Variants in MED14 observed in about 807,000 individuals in gnomAD.
MED14 encodes the protein mediator complex subunit 14, also known as mediator of RNA polymerase II transcription subunit 14.
Under a neutral mutation model 109.0 loss-of-function variants are expected in MED14, and 8 were observed. The observed-to-expected ratio is 0.07, with a 90% CI of 0.04 to 0.13. The LOEUF is 0.13. Among genes scored for constraint, MED14 ranks in the 10% least tolerant of loss-of-function variants. The probability of loss-of-function intolerance (pLI) is 1.00; values close to 1 mark genes in which losing one functional copy is unlikely to be tolerated. For synonymous variants in MED14, 399 were observed against 408.7 expected, an observed-to-expected ratio of 0.98 and a Z score of 0.29; for missense variants, 711 against 1,142.4, an observed-to-expected ratio of 0.62 and a Z score of 5.44.
chrX:40,657,370 A>G (rs1929089721), intron 28 of MED14, among the ~76,000 whole-genome samples: 1 of 111,398 alleles, frequency 9.0e-6, no homozygotes, highest in African/African-American at 3.3e-5. Flanking sequence ...GTCCTTTATA[A>G]GAAGAGAAGA....
At chrX:40,708,668 T>C (rs976732026) in intron 10 of MED14, among the ~76,000 whole-genome samples, 2 of 112,226 alleles carry the variant, frequency 1.8e-5, no homozygotes, top group Non-Finnish European at 3.8e-5. Context: ...TGCGAACCTA[T>C]ATTCCCAGAA....
chrX:40,714,434 G>C, intron 4 of MED14, 103 bp downstream of exon 4: 2 of 917,338 alleles, frequency 2.2e-6, no homozygotes, highest in Non-Finnish European at 1.5e-6. Context: ...TATATGTACT[G>C]TTTGTTTTAA....
At position 40,680,144 on chromosome X, in the gene MED14, C is replaced by G; in HGVS notation, c.2611-11G>C. The G allele has an allele frequency of 5.0e-6, 6 of 1,204,445 alleles. No individual in the cohort carries two copies. The highest frequency in any genetic ancestry group is 6.7e-6 in the Non-Finnish European group (6 of 890,767). ...AGTATCAAACAGTACCTATAAGGAA[C>G]AAACACAGTGAGAGCAGCCAGTTTC... On this transcript the variant is annotated splice_polypyrimidine_tract_variant and intron_variant, in intron 20 of 30. Transcript: ENST00000324817.
At chrX:40,706,129 C>A (rs73471375) in intron 10 of MED14, among the ~76,000 whole-genome samples, 1 of 111,346 alleles carries the variant, frequency 9.0e-6, no homozygotes, top group African/African-American at 3.3e-5. Context: ...AGGGTGACTG[C>A]GCTAAGGGAT....
In MED14 at chrX:40,713,774, A is replaced by T; in HGVS notation, c.652+4T>A. ...TCTTAAAAAAATAAATTTCAGATAC[A>T]TACCAACTGTAAGATTTGCTAACTG... On this transcript the variant is annotated splice_donor_region_variant and intron_variant, in intron 5 of 30. Coordinates refer to ENST00000324817, the MANE Select transcript of MED14 (RefSeq NM_004229.4). 2.5e-6 allele frequency: 3 copies of T among 1,210,484 alleles called. No individual in the cohort carries two copies. The highest frequency in any genetic ancestry group is 3.4e-6 in the Non-Finnish European group (3 of 894,823).
At chrX:40,707,152 G>GAT (rs1307915004) in intron 10 of MED14, among the ~76,000 whole-genome samples, 4 of 109,453 alleles carry the variant, frequency 3.7e-5, no homozygotes, top group East Asian at 2.8e-4. Flanking sequence ...TAGATAGATA[G>GAT]AGACCAGCCT....
intron 21 of MED14, 129 bp from the exon 22 acceptor site, chrX:40,675,490 T>A (rs1929882552): frequency 2.4e-6 from 1 of 422,718 alleles, no homozygotes. Context: ...TAGGACAACC[T>A]AGAAGAAATA....
chrX:40,720,659 C>T (rs934759826), intron 3 of MED14, among the ~76,000 whole-genome samples: 2 of 110,723 alleles, frequency 1.8e-5, no homozygotes, highest in South Asian at 3.8e-4. Flanking sequence ...GGGATACACC[C>T]GCTGGGGGGC....
At position 40,699,501 on chromosome X, in the gene MED14, T is replaced by C. The variant is rs1301686835; in HGVS notation, c.1490+1664A>G. Reference sequence around the variant, plus strand: ...ACAAATCATCTGAGAAACACTATTATAAGTGACAATCAGGGGACTTTTCTT... The same window carrying C: ...ACAAATCATCTGAGAAACACTATTACAAGTGACAATCAGGGGACTTTTCTT... On this transcript the variant is annotated intron_variant, in intron 12 of 30. Coordinates refer to ENST00000324817, the MANE Select transcript of MED14 (RefSeq NM_004229.4). Among the ~76,000 whole-genome samples the C allele has an allele frequency of 8.0e-5, 9 of 112,177 alleles. No homozygotes were observed. The Admixed American group carries it at 8.5e-4, about 11-fold the overall frequency.
intron 16 of MED14, among the ~76,000 whole-genome samples, chrX:40,684,833 G>A (rs1569286536): frequency 8.9e-6 from 1 of 112,112 alleles, no homozygotes; most frequent in Non-Finnish European, 1.9e-5. Flanking sequence ...TGCTCTTAGG[G>A]ACAGCGGAAC....
chrX:40,721,539 C>T (rs1194442995), intron 3 of MED14, among the ~76,000 whole-genome samples: 1 of 113,122 alleles, frequency 8.8e-6, no homozygotes. Context: ...CAGACAGCAT[C>T]TCTGGGCTCA....
At chrX:40,698,925 G>A (rs1006007148) in intron 12 of MED14, among the ~76,000 whole-genome samples, 3 of 112,194 alleles carry the variant, frequency 2.7e-5, no homozygotes, top group Non-Finnish European at 5.6e-5. Context: ...TACTCCAAGA[G>A]AAAAGAAAAC....
chrX:40,692,347 T>TA (rs11292945), intron 14 of MED14, 30 bp from the exon 15 acceptor site: 18,905 of 849,855 alleles, frequency 0.022, 1 homozygote, highest in Non-Finnish European at 0.026. Context: ...CACAAACAGG[T>TA]AAAAAAAAAA....
At chrX:40,689,950 T>C (rs772711429) in intron 15 of MED14, among the ~76,000 whole-genome samples, 1 of 111,933 alleles carries the variant, frequency 8.9e-6, no homozygotes, top group South Asian at 3.7e-4. Context: ...AGGACGTATG[T>C]CTACAGTCAT....
intron 3 of MED14, among the ~76,000 whole-genome samples, chrX:40,717,522 TTC>T (rs1342647763): frequency 1.0e-5 from 1 of 99,711 alleles, no homozygotes; most frequent in Non-Finnish European, 2.0e-5. Context: ...TTGTTGTTGT[TTC>T]ATTTTGTTTT....
At position 40,654,305 on chromosome X, in the gene MED14, T is replaced by C. The variant is rs1367133913; in HGVS notation, c.4291+59A>G. The C allele has an allele frequency of 2.8e-6, 3 of 1,058,156 alleles. No homozygotes were observed. In the African/African-American group the frequency reaches 5.5e-5, roughly 20 times the overall value. 87.2% of individuals were successfully genotyped at this position (1,058,156 alleles called of 1,213,427 possible). On this transcript the variant is annotated intron_variant, in intron 30 of 30. Transcript: ENST00000324817. ...GAGAAGAGAAGAGGAGAAAGGGGTG[T>C]CTCTCAAAAGAACTTTTATAACATA...
At chrX:40,731,452 G>T (rs1932079123) in intron 1 of MED14, among the ~76,000 whole-genome samples, 1 of 111,033 alleles carries the variant, frequency 9.0e-6, no homozygotes. Flanking sequence ...CACTATTTAG[G>T]AACTTCCATG....
At chrX:40,693,545 C>T (rs1930611782) in intron 13 of MED14, among the ~76,000 whole-genome samples, 1 of 111,675 alleles carries the variant, frequency 9.0e-6, no homozygotes, top group South Asian at 3.7e-4. Flanking sequence ...AATTAAACCT[C>T]TTTCTTTTGT....
intron 1 of MED14, among the ~76,000 whole-genome samples, chrX:40,734,420 TATC>T (rs1932181222): frequency 8.9e-6 from 1 of 112,578 alleles, no homozygotes; most frequent in Non-Finnish European, 1.9e-5. Context: ...CATACTAATG[TATC>T]TCAATTGATA....
Sources: gnomAD v4.1 joint callset for allele counts (sites outside exome capture counted in the v4.1 genomes callset) on GRCh38, gnomAD v4.1.1 for gene constraint, MANE v1.5 for transcripts, NCBI Gene and HGNC (gene_info 2026-07-23, HGNC 2026-07-21) for gene names.